Variants in TET2 observed in about 807,000 individuals in gnomAD.
TET2 encodes methylcytosine dioxygenase TET2.
TET2 carries 299 observed loss-of-function variants against 142.9 expected under a neutral mutation model. The observed-to-expected ratio is 2.09, with a 90% confidence interval of 1.90 to 2.30. The LOEUF (loss-of-function observed/expected upper bound fraction) is 2.30. TET2 is among the 30% of genes most tolerant of loss of function. The probability of loss-of-function intolerance (pLI) is 0.00; values close to 1 mark genes in which losing one functional copy is unlikely to be tolerated. For missense variants in TET2, 2,418 were observed against 2,378.0 expected, an observed-to-expected ratio of 1.02 and a Z score of -0.35; for synonymous variants, 819 against 849.0, an observed-to-expected ratio of 0.96 and a Z score of 0.61.
intron 10 of TET2, among the ~76,000 whole-genome samples, chr4:105,274,164 A>C (rs1731088096): frequency 6.6e-6 from 1 of 152,236 alleles, no homozygotes; most frequent in Non-Finnish European, 1.5e-5. Flanking sequence ...AATTAGATAG[A>C]ACCTTGTCTC....
intron 2 of TET2, among the ~76,000 whole-genome samples, chr4:105,208,299 G>A (rs950196220): frequency 6.6e-6 from 1 of 151,842 alleles, no homozygotes; most frequent in Non-Finnish European, 1.5e-5. Flanking sequence ...TGCTTTTAAG[G>A]CCCCATTCTC....
intron 2 of TET2, among the ~76,000 whole-genome samples, chr4:105,207,126 T>C (rs911941625): frequency 1.3e-5 from 2 of 152,138 alleles, no homozygotes; most frequent in Non-Finnish European, 1.5e-5. Flanking sequence ...TTACATAAAT[T>C]TTACTAGAAG....
At position 105,243,604 on chromosome 4, in the gene TET2, T is replaced by G; in HGVS notation, c.3629T>G (p.Leu1210Arg). 1 of 1,551,628 alleles carries G rather than the reference T, an allele frequency of 6.4e-7. No homozygotes were observed. The highest frequency in any genetic ancestry group is 8.7e-7 in the Non-Finnish European group (1 of 1,146,940). Residue 1210 changes from leucine to arginine, a missense_variant, in exon 6 of 11, where the codon CTG becomes CGG. Physicochemically the swap from Leu to Arg is moderately radical, Grantham distance 102. Coordinates refer to ENST00000380013, the MANE Select transcript of TET2 (RefSeq NM_001127208.3). Reference sequence around the variant, plus strand: ...AGAAGCAGCAGTGAAGAGAAGCTACTGTGTTTGGTGCGGGAGCGAGCTGGC... The same window carrying G: ...AGAAGCAGCAGTGAAGAGAAGCTACGGTGTTTGGTGCGGGAGCGAGCTGGC... ...VRRSSSEEKL[L>R]CLVRERAGHT...
intron 1 of TET2, among the ~76,000 whole-genome samples, chr4:105,186,825 C>G (rs956564928): frequency 1.3e-5 from 2 of 151,586 alleles, no homozygotes; most frequent in Admixed American, 6.6e-5. Flanking sequence ...TGTATATAAG[C>G]CTGTGAGTCA....
Position 105,275,794 on chromosome 4 carries a change from A to G in TET2, c.5284A>G (p.Ile1762Val), listed in dbSNP as rs2454206. Residue 1762 changes from isoleucine to valine, a missense_variant, in exon 11 of 11, where the codon ATA becomes GTA. By Grantham distance (29) the Ile-to-Val change is conservative. Transcript: ENST00000380013. Reference protein sequence around the residue: ...KNGEHHSPSHIIHNYSAAPGM... With the variant: ...KNGEHHSPSHVIHNYSAAPGM... ...TGGTGAACATCATTCACCTTCTCAC[A>G]TAATCCATAACTACAGTGCAGCTCC... 535,076 of 1,551,382 alleles carry G rather than the reference A, an allele frequency of 0.34. 96,786 individuals are homozygous for G. The highest frequency in any genetic ancestry group is 0.38 in the Non-Finnish European group (434,371 of 1,146,856).
At chr4:105,197,528 T>C (rs1450650680) in intron 2 of TET2, among the ~76,000 whole-genome samples, 2 of 152,210 alleles carry the variant, frequency 1.3e-5, no homozygotes, top group Admixed American at 1.3e-4. Flanking sequence ...TTGAGAGTGC[T>C]GTCCAGGTGC....
chr4:105,220,712 G>A (rs912157149), intron 2 of TET2, among the ~76,000 whole-genome samples: 3 of 152,122 alleles, frequency 2.0e-5, no homozygotes, highest in East Asian at 1.9e-4. Context: ...GCAGGCATCC[G>A]AATACTGGCT....
At chr4:105,205,964 C>A (rs34104813) in intron 2 of TET2, among the ~76,000 whole-genome samples, 1 of 152,112 alleles carries the variant, frequency 6.6e-6, no homozygotes, top group East Asian at 1.9e-4. Flanking sequence ...GCATTTAGAA[C>A]GTTATCACTG....
intron 1 of TET2, among the ~76,000 whole-genome samples, chr4:105,163,486 G>T (rs6825684): frequency 1.3e-5 from 2 of 151,964 alleles, no homozygotes; most frequent in Non-Finnish European, 2.9e-5. Context: ...CTCAAATAGC[G>T]TAACAAGCTA....
intron 1 of TET2, among the ~76,000 whole-genome samples, chr4:105,160,886 C>G (rs1262924743): frequency 1.3e-5 from 2 of 152,118 alleles, no homozygotes; most frequent in African/African-American, 4.8e-5. Flanking sequence ...CAGCAATTCT[C>G]TGCCTCAGGC....
intron 1 of TET2, among the ~76,000 whole-genome samples, chr4:105,159,112 A>C (rs1375605355): frequency 6.6e-6 from 1 of 152,088 alleles, no homozygotes; most frequent in Non-Finnish European, 1.5e-5. Context: ...ATTGTCCGGG[A>C]GCCCTTGTCT....
rs567554680 is a variant in TET2 at position 105,158,143 on chromosome 4, G to A, written c.-193+11164G>A. Among the ~76,000 whole-genome samples the A allele has an allele frequency of 3.9e-5, 6 of 152,006 alleles. No individual in the cohort carries two copies. In the East Asian group the frequency reaches 1.2e-3, roughly 29 times the overall value. ...TTTTTCAAGAGCATGGGAAATCTAG[G>A]GTATGGCATTTTAAAGTGACTTTAA... On this transcript the variant is annotated intron_variant, in intron 1 of 10. Coordinates refer to ENST00000380013, the MANE Select transcript of TET2 (RefSeq NM_001127208.3).
Position 105,279,371 on chromosome 4 carries a change from A to T in TET2, c.*2852A>T, listed in dbSNP as rs2110321755. ...TATCAGATCTATAATTGTAAATATA[A>T]AACCTGCCTCAGTTAGAATGAATGG... On this transcript the variant is annotated 3_prime_UTR_variant, in exon 11 of 11. Coordinates refer to ENST00000380013, the MANE Select transcript of TET2 (RefSeq NM_001127208.3). 1 of 232,508 alleles carries T rather than the reference A, an allele frequency of 4.3e-6. No individual in the cohort carries two copies. 14.4% of individuals were successfully genotyped at this position (232,508 alleles called of 1,614,324 possible).
intron 2 of TET2, among the ~76,000 whole-genome samples, chr4:105,204,327 C>G (rs1726687602): frequency 6.6e-6 from 1 of 151,560 alleles, no homozygotes; most frequent in South Asian, 2.1e-4. Context: ...TTAAGCATCT[C>G]TCTTCCTCAA....
intron 8 of TET2, 42 bp from the exon 9 acceptor site, chr4:105,269,568 A>G: frequency 1.3e-6 from 2 of 1,547,404 alleles, no homozygotes; most frequent in Non-Finnish European, 1.7e-6. Flanking sequence ...TGTAAGAGTA[A>G]AACTAACTAC....
chr4:105,257,914 C>A (rs1390439245), intron 6 of TET2, among the ~76,000 whole-genome samples: 1 of 152,080 alleles, frequency 6.6e-6, no homozygotes, highest in African/African-American at 2.4e-5. Context: ...CTAGTGGGAT[C>A]TTCCAGGAAA....
intron 1 of TET2, among the ~76,000 whole-genome samples, chr4:105,179,982 A>G (rs1180061679): frequency 6.6e-6 from 1 of 152,172 alleles, no homozygotes; most frequent in Non-Finnish European, 1.5e-5. Context: ...AAATGTGCCT[A>G]CTAAGGGTTG....
At chr4:105,200,320 G>T (rs1450372073) in intron 2 of TET2, among the ~76,000 whole-genome samples, 2 of 152,048 alleles carry the variant, frequency 1.3e-5, no homozygotes, top group East Asian at 1.9e-4. Flanking sequence ...TCATATGTTT[G>T]TTGGCCGCAT....
chr4:105,204,176 C>T (rs577497149), intron 2 of TET2, among the ~76,000 whole-genome samples: 7 of 146,252 alleles, frequency 4.8e-5, no homozygotes, highest in South Asian at 4.3e-4. Context: ...CCAGCCTGGG[C>T]GACGGAGTGA....
Sources: gnomAD v4.1 joint callset for allele counts (sites outside exome capture counted in the v4.1 genomes callset) on GRCh38, gnomAD v4.1.1 for gene constraint, MANE v1.5 for transcripts, NCBI Gene and HGNC (gene_info 2026-07-23, HGNC 2026-07-21) for gene names.